Variants in PRKAB1 observed in about 807,000 individuals in gnomAD.
PRKAB1 encodes 5'-AMP-activated protein kinase subunit beta-1.
In PRKAB1, 18 loss-of-function variants were observed where a neutral mutation model predicts 32.0. The observed-to-expected ratio is 0.56, with a 90% CI of 0.39 to 0.83. The LOEUF (loss-of-function observed/expected upper bound fraction) is 0.83. PRKAB1 is among the 40% of genes least tolerant of loss of function. The pLI, the probability that PRKAB1 is intolerant of heterozygous loss-of-function variation, is 0.00. For synonymous variants in PRKAB1, 141 were observed against 141.4 expected, an observed-to-expected ratio of 1.00 and a Z score of 0.02; for missense variants, 263 against 352.6, an observed-to-expected ratio of 0.75 and a Z score of 2.03.
chr12:119,680,059 C>T lies in PRKAB1; in HGVS notation c.735+58C>T, dbSNP rs1174056448. 4.5e-6 allele frequency: 7 copies of T among 1,567,426 alleles called. No individual in the cohort carries two copies. In the East Asian group the frequency reaches 1.6e-4, roughly 35 times the overall value. ...TTGCCCAGTGTGTGCTCTGAGGACC[C>T]CCAGCAGTGGAATGACCTGGCGGGA... On this transcript the variant is annotated intron_variant, in intron 6 of 6. Transcript: ENST00000229328.
intron 1 of PRKAB1, among the ~76,000 whole-genome samples, chr12:119,669,271 CTTT>C (rs1174061275): frequency 1.6e-5 from 2 of 122,678 alleles, no homozygotes; most frequent in Admixed American, 8.5e-5. Flanking sequence ...GTTCAGCCTA[CTTT>C]TTTTTTTTTT....
chr12:119,680,220 C>T (rs1419542959), intron 6 of PRKAB1, 28 bp from the exon 7 acceptor site: 26 of 1,607,518 alleles, frequency 1.6e-5, no homozygotes, highest in Non-Finnish European at 2.0e-5. Context: ...TTAGTCCAGC[C>T]TTTGATCATT....
rs778268813 is a variant in PRKAB1 at position 119,676,617 on chromosome 12, A to G, written c.613A>G (p.Ile205Val). ...CGAAGAGCGCTTTCGGGCACCCCCT[A>G]TTCTCCCCCCACATCTCCTCCAGGT... ...KPEERFRAPPILPPHLLQVIL... is the reference protein window; with the variant it reads ...KPEERFRAPPVLPPHLLQVIL... Residue 205 changes from isoleucine to valine, a missense_variant, in exon 5 of 7, where the codon ATT becomes GTT. Ile to Val is a conservative substitution (Grantham distance 29). Transcript: ENST00000229328. The G allele has an allele frequency of 2.5e-5, 41 of 1,612,000 alleles. No individual in the cohort carries two copies. In the Admixed American group the frequency reaches 4.0e-4, roughly 16 times the overall value.
rs1202167155 is a variant in PRKAB1, at chr12:119,681,364, C to G, written c.*1039C>G. The G allele has an allele frequency of 6.6e-6, 1 of 152,178 alleles. No individual in the cohort carries two copies. The highest frequency in any genetic ancestry group is 1.5e-5 in the Non-Finnish European group (1 of 68,020). 9.4% of individuals were successfully genotyped at this position (152,178 alleles called of 1,614,324 possible). ...TGGGTCAGGAAGATGTCCTTTGGAC[C>G]AAAGCAGACTTCTTTATACGCAGCT... On this transcript the variant is annotated 3_prime_UTR_variant, in exon 7 of 7. Transcript: ENST00000229328.
chr12:119,668,541 C>A, intron 1 of PRKAB1, 138 bp downstream of exon 1: 1 of 1,185,320 alleles, frequency 8.4e-7, no homozygotes, highest in Non-Finnish European at 1.2e-6. Flanking sequence ...CACTTAAAAG[C>A]CAGATGGTCC....
At position 119,668,224 on chromosome 12, in the gene PRKAB1, G is replaced by C. The variant is rs774447370; in HGVS notation, c.-21G>C. 6.4e-7 allele frequency: 1 copy of C among 1,554,084 alleles called. No homozygotes were observed. Among genetic ancestry groups the C allele is most frequent in the African/African-American group, 1.4e-5 (1 of 70,946 alleles). On this transcript the variant is annotated 5_prime_UTR_variant, in exon 1 of 7. Transcript: ENST00000229328. ...CAGTGAGGCGCCGTCCGCCTTCCCT[G>C]TGTCCCCGCAGACCCCCATCATGGG...
At chr12:119,673,391 A>G (rs369985884) in intron 2 of PRKAB1, among the ~76,000 whole-genome samples, 14 of 152,176 alleles carry the variant, frequency 9.2e-5, no homozygotes, top group Admixed American at 2.6e-4. Context: ...TGTCAGGCCT[A>G]TTGTCAGGGG....
intron 2 of PRKAB1, among the ~76,000 whole-genome samples, chr12:119,673,433 G>A (rs1955401654): frequency 6.6e-6 from 1 of 152,206 alleles, no homozygotes; most frequent in African/African-American, 2.4e-5. Flanking sequence ...CATTGGAGAA[G>A]GAGGGAGCCA....
At position 119,672,373 on chromosome 12, in the gene PRKAB1, C is replaced by T. The variant is rs758798418; in HGVS notation, c.232C>T (p.Arg78Trp). ...EVNDKAPAQA[R>W]PTVFRWTGGG... is the part of the protein sequence containing the mutation. Reference sequence around the variant, plus strand: ...GAATGATAAAGCTCCCGCCCAGGCTCGGCCAACGGTGTTTCGATGGACGGG... The same window carrying T: ...GAATGATAAAGCTCCCGCCCAGGCTTGGCCAACGGTGTTTCGATGGACGGG... The change falls in exon 2 of 7, where the codon CGG becomes TGG. Residue 78 changes from arginine to tryptophan, a missense_variant. By Grantham distance (101) the Arg-to-Trp change is moderately radical. Coordinates refer to ENST00000229328, the MANE Select transcript of PRKAB1 (RefSeq NM_006253.5). 1.2e-5 allele frequency: 20 copies of T among 1,612,974 alleles called. No individual in the cohort carries two copies. Among genetic ancestry groups the T allele is most frequent in the East Asian group, 4.5e-5 (2 of 44,814 alleles).
At chr12:119,675,322 C>T (rs939643232) in intron 4 of PRKAB1, among the ~76,000 whole-genome samples, 23 of 152,176 alleles carry the variant, frequency 1.5e-4, no homozygotes, top group African/African-American at 5.6e-4. Context: ...GTTACCAGTT[C>T]AGAAATCACA....
Position 119,680,459 on chromosome 12 carries a change from TC to T in PRKAB1, c.*136del. ...AGAAGACATTTCATACCTGCCCTGG[TC>T]CTGCTTGAAGGTTTGTCCAGGCAGA... On this transcript the variant is annotated 3_prime_UTR_variant, in exon 7 of 7. Transcript: ENST00000229328. 3.2e-6 allele frequency: 3 copies of T among 943,086 alleles called. No individual in the cohort carries two copies. The African/African-American group carries it at 4.9e-5, about 15-fold the overall frequency. The allele number at this position is 943,086 out of a possible 1,614,324, so 58.4% of individuals were successfully genotyped here.
chr12:119,674,387 G>A lies in PRKAB1; in HGVS notation c.465G>A (p.Val155=). 1 of 1,614,196 alleles carries A rather than the reference G, an allele frequency of 6.2e-7. No homozygotes were observed. Among genetic ancestry groups the A allele is most frequent in the African/African-American group, 1.3e-5 (1 of 75,052 alleles). Residue 155 remains valine (V), a synonymous_variant, in exon 4 of 7, where the codon GTG becomes GTA. Coordinates refer to ENST00000229328, the MANE Select transcript of PRKAB1 (RefSeq NM_006253.5). This position sits in a 1 kb window ranked among gnomAD's most constrained non-coding sequence, Gnocchi z 4.3. Reference sequence around the variant, plus strand: ...GCACAGTTAACAACATCATTCAAGTGAAGAAAACTGACTTTGAAGTATTTG... The same window carrying A: ...GCACAGTTAACAACATCATTCAAGTAAAGAAAACTGACTTTGAAGTATTTG... ...QLGTVNNIIQ[V]KKTDFEVFDA...
intron 2 of PRKAB1, among the ~76,000 whole-genome samples, chr12:119,673,050 G>A (rs1048814758): frequency 1.3e-5 from 2 of 152,080 alleles, no homozygotes; most frequent in Admixed American, 6.5e-5. Flanking sequence ...GCAACATAGT[G>A]AGACCCCCAT....
intron 1 of PRKAB1, among the ~76,000 whole-genome samples, chr12:119,669,104 T>A (rs932046801): frequency 5.2e-4 from 76 of 147,530 alleles, no homozygotes; most frequent in African/African-American, 1.8e-3. Context: ...GCGACAGAGC[T>A]AGACTTCGTC....
Position 119,674,224 on chromosome 12 carries a change from A to C in PRKAB1, c.418-116A>C. 1 of 1,038,718 alleles carries C rather than the reference A, an allele frequency of 9.6e-7. No homozygotes were observed. The highest frequency in any genetic ancestry group is 1.5e-5 in the South Asian group (1 of 67,180). 64.3% of individuals were successfully genotyped at this position (1,038,718 alleles called of 1,614,324 possible). A position where few individuals can be genotyped will look rare whatever the true frequency, so the allele number is the denominator to read the frequency against. Reference sequence around the variant, plus strand: ...CAGACAGTTGGCATACTTGACCAAGATGAGCAGGGTGGCTAGCCAGGAGAT... The same window carrying C: ...CAGACAGTTGGCATACTTGACCAAGCTGAGCAGGGTGGCTAGCCAGGAGAT... On this transcript the variant is annotated intron_variant, in intron 3 of 6. Transcript: ENST00000229328. The surrounding 1 kb of genome is among the most constrained non-coding windows in gnomAD (Gnocchi z 4.3).
intron 1 of PRKAB1, 93 bp downstream of exon 1, chr12:119,668,496 C>A (rs1176441831): frequency 1.3e-6 from 2 of 1,490,982 alleles, no homozygotes; most frequent in African/African-American, 1.4e-5. Context: ...TCGAAAAACA[C>A]CAGAACGGAG....
At chr12:119,671,584 C>A in intron 1 of PRKAB1, 1 of 323,550 alleles carries the variant, frequency 3.1e-6, no homozygotes, top group Non-Finnish European at 6.4e-6. Flanking sequence ...TGTCAGAGAA[C>A]AGCATGGGGA....
intron 1 of PRKAB1, among the ~76,000 whole-genome samples, chr12:119,668,996 G>C (rs561713589): frequency 9.2e-5 from 14 of 151,850 alleles, no homozygotes; most frequent in Admixed American, 5.2e-4. Flanking sequence ...GGGCGCCTGT[G>C]GTCCCAGCTA....
At chr12:119,670,633 A>G (rs1189816629) in intron 1 of PRKAB1, among the ~76,000 whole-genome samples, 1 of 152,244 alleles carries the variant, frequency 6.6e-6, no homozygotes, top group Non-Finnish European at 1.5e-5. Context: ...TTGTTCTGTT[A>G]CTATTCCAAA....
Sources: gnomAD v4.1 joint callset for allele counts (sites outside exome capture counted in the v4.1 genomes callset) on GRCh38, gnomAD v4.1.1 for gene constraint, Gnocchi (gnomAD v3.1) non-coding constraint, MANE v1.5 for transcripts, NCBI Gene and HGNC (gene_info 2026-07-23, HGNC 2026-07-21) for gene names.